Variants in ZNF595 observed in about 807,000 individuals in gnomAD.
The protein encoded by ZNF595 is zinc finger protein 595.
Under a neutral mutation model 19.4 loss-of-function variants are expected in ZNF595, and 9 were observed. That is an observed-to-expected ratio of 0.46 (90% CI 0.28 to 0.81). ZNF595 has a LOEUF of 0.81. Among genes scored for constraint, ZNF595 ranks in the 30% least tolerant of loss-of-function variants. The pLI, the probability that ZNF595 is intolerant of heterozygous loss-of-function variation, is 0.11. For missense variants in ZNF595, 729 were observed against 736.0 expected (o/e 0.99, Z 0.11); for synonymous variants, 255 against 255.9 (o/e 1.00, Z 0.03).
At chr4:69,614 T>C (rs782304653) in intron 3 of ZNF595, among the ~76,000 whole-genome samples, 1 of 152,232 alleles carries the variant, frequency 6.6e-6, no homozygotes, top group East Asian at 1.9e-4. Flanking sequence ...TAGAGCTGTT[T>C]ATGTGCCTTA....
intron 3 of ZNF595, among the ~76,000 whole-genome samples, chr4:79,567 G>A (rs1713817162): frequency 6.6e-6 from 1 of 152,006 alleles, no homozygotes. Context: ...GGGCTCACTG[G>A]ATACTTTGAT....
rs1553802171 is a variant in ZNF595, at chr4:87,469, C to A, written c.*18C>A. On this transcript the variant is annotated 3_prime_UTR_variant, in exon 4 of 4. Coordinates refer to ENST00000610261, the MANE Select transcript of ZNF595 (RefSeq NM_182524.4). ...ATAGTTGAATGACATTTCTAGTAATCTCTAATTCCAGTGTCTTTACACAGC... is the reference window on the plus strand; with the variant it reads ...ATAGTTGAATGACATTTCTAGTAATATCTAATTCCAGTGTCTTTACACAGC... 2.0e-6 allele frequency: 3 copies of A among 1,536,084 alleles called. No homozygotes were observed. The highest frequency in any genetic ancestry group is 4.0e-5 in the Admixed American group (2 of 49,448).
At chr4:79,539 G>A (rs1713816071) in intron 3 of ZNF595, among the ~76,000 whole-genome samples, 1 of 152,086 alleles carries the variant, frequency 6.6e-6, no homozygotes, top group Non-Finnish European at 1.5e-5. Context: ...TTGGCTGTAG[G>A]CTCATGAATT....
intron 3 of ZNF595, among the ~76,000 whole-genome samples, chr4:81,109 T>C (rs1351244435): frequency 6.6e-6 from 1 of 152,202 alleles, no homozygotes; most frequent in African/African-American, 2.4e-5. Context: ...TGTGTTTGTT[T>C]GCTGAGAATG....
At chr4:83,619 CAAAAA>C (rs71164492) in intron 3 of ZNF595, among the ~76,000 whole-genome samples, 41 of 38,600 alleles carry the variant, frequency 1.1e-3, no homozygotes, top group African/African-American at 2.0e-3. Context: ...GACTCCGTCT[CAAAAA>C]AAAAAAAAAA....
In ZNF595 at chr4:86,005, T is replaced by C; in HGVS notation, c.501T>C (p.His167=). Reference sequence around the variant, plus strand: ...ATTCAAACAAACATAAGATAAGACATACTGGAGAGAAACCCTTTAAATGTA... The same window carrying C: ...ATTCAAACAAACATAAGATAAGACACACTGGAGAGAAACCCTTTAAATGTA... The part of the protein sequence containing the change: ...FSNSNKHKIR[H]TGEKPFKCTE... The change falls in exon 4 of 4, where the codon CAT becomes CAC. Residue 167 remains histidine (H), a synonymous_variant. Coordinates refer to ENST00000610261, the MANE Select transcript of ZNF595 (RefSeq NM_182524.4). 2 of 1,608,370 alleles carry C rather than the reference T, an allele frequency of 1.2e-6. No individual in the cohort carries two copies. The highest frequency in any genetic ancestry group is 1.7e-6 in the Non-Finnish European group (2 of 1,176,682).
chr4:86,252 C>G lies in ZNF595; in HGVS notation c.748C>G (p.His250Asp). The change falls in exon 4 of 4, where the codon CAT (histidine) becomes GAT (aspartate). Residue 250 changes from histidine to aspartate, a missense_variant. Physicochemically the swap from His to Asp is moderately conservative, Grantham distance 81. Around this residue, in one of 2 missense-constraint regions of ZNF595, gnomAD observed 729 missense variants for 675.3 expected, o/e 1.08. Transcript: ENST00000610261. ...STVLNEHKKI[H>D]TGEKPYKCEE... ...AGTTCTGAACGAACATAAGAAAATT[C>G]ATACTGGAGAGAAACCCTACAAATG... 3 of 1,611,758 alleles carry G rather than the reference C, an allele frequency of 1.9e-6. No homozygotes were observed. The highest frequency in any genetic ancestry group is 2.5e-6 in the Non-Finnish European group (3 of 1,178,132).
Position 87,208 on chromosome 4 carries a change from A to G in ZNF595, c.1704A>G (p.Glu568=). 3 of 1,595,490 alleles carry G rather than the reference A, an allele frequency of 1.9e-6. 1 individual carries two copies. In the South Asian group the frequency reaches 3.3e-5, roughly 18 times the overall value. Residue 568 remains glutamate, a synonymous_variant, in exon 4 of 4, where the codon GAA becomes GAG. Coordinates refer to ENST00000610261, the MANE Select transcript of ZNF595 (RefSeq NM_182524.4). The stretch of plus-strand genomic sequence containing the variant: ...GAGAGAAACCCTACAAATGCAAAGA[A>G]TGTGGCAAAGCCTATAACTTATCCT... ...HSGEKPYKCK[E]CGKAYNLSST...
At position 87,574 on chromosome 4, in the gene ZNF595, C is replaced by T. The variant is rs907574756; in HGVS notation, c.*123C>T. ...AAATTTTTTAAAATTTCTGTAGGTA[C>T]ATAGTATGTGTATCTATTCATGGCT... On this transcript the variant is annotated 3_prime_UTR_variant, in exon 4 of 4. Coordinates refer to ENST00000610261, the MANE Select transcript of ZNF595 (RefSeq NM_182524.4). 3.4e-6 allele frequency: 3 copies of T among 872,734 alleles called. No homozygotes were observed. Among genetic ancestry groups the T allele is most frequent in the South Asian group, 2.6e-5 (1 of 38,726 alleles). The allele number at this position is 872,734 out of a possible 1,614,324, so 54.1% of individuals were successfully genotyped here. A position where few individuals can be genotyped will look rare whatever the true frequency, so the allele number is the denominator to read the frequency against.
chr4:82,387 T>TG, intron 3 of ZNF595, among the ~76,000 whole-genome samples: 1 of 117,082 alleles, frequency 8.5e-6, no homozygotes, highest in Non-Finnish European at 1.8e-5. Flanking sequence ...TTTTTTTTTT[T>TG]TTTTTTTTTT....
At chr4:79,139 A>T (rs927292803) in intron 3 of ZNF595, among the ~76,000 whole-genome samples, 8 of 152,228 alleles carry the variant, frequency 5.3e-5, no homozygotes, top group Admixed American at 4.6e-4. Flanking sequence ...CTCCTGAAGA[A>T]CACCATTTTA....
chr4:71,243 C>A (rs1713420151), intron 3 of ZNF595, among the ~76,000 whole-genome samples: 1 of 152,028 alleles, frequency 6.6e-6, no homozygotes, highest in African/African-American at 2.4e-5. Flanking sequence ...AGGTTTTTTT[C>A]AAATATAAAA....
intron 3 of ZNF595, among the ~76,000 whole-genome samples, chr4:81,756 T>TA: frequency 6.6e-6 from 1 of 152,352 alleles, no homozygotes; most frequent in South Asian, 2.1e-4. Flanking sequence ...CAAACTGCTT[T>TA]AGATATCTCA....
At chr4:72,192 G>A (rs1413514065) in intron 3 of ZNF595, among the ~76,000 whole-genome samples, 5 of 152,010 alleles carry the variant, frequency 3.3e-5, no homozygotes, top group African/African-American at 9.7e-5. Context: ...TTCTCAAAGA[G>A]GCATACAAAT....
intron 3 of ZNF595, among the ~76,000 whole-genome samples, chr4:71,254 C>A (rs747132996): frequency 1.7e-4 from 26 of 152,152 alleles, no homozygotes; most frequent in Non-Finnish European, 3.5e-4. Context: ...AAATATAAAA[C>A]TACATCATCT....
intron 3 of ZNF595, among the ~76,000 whole-genome samples, chr4:80,630 A>G (rs1553799670): frequency 6.6e-6 from 1 of 152,120 alleles, no homozygotes; most frequent in Non-Finnish European, 1.5e-5. Flanking sequence ...GGAAAATTAC[A>G]GTCAAAGGGG....
At chr4:83,629 AAAAAAAAAAAAAAAAAG>A (rs1168245805) in intron 3 of ZNF595, among the ~76,000 whole-genome samples, 3 of 140,446 alleles carry the variant, frequency 2.1e-5, no homozygotes, top group African/African-American at 8.7e-5. Flanking sequence ...CAAAAAAAAA[AAAAAAAAAAAAAAAAAG>A]AAAGAAAGAA....
rs954327623 is a variant in ZNF595 at position 87,408 on chromosome 4, T to G, written c.1904T>G (p.Leu635Arg). 6.2e-7 allele frequency: 1 copy of G among 1,610,658 alleles called. No homozygotes were observed. The highest frequency in any genetic ancestry group is 8.5e-7 in the Non-Finnish European group (1 of 1,178,204). The change falls in exon 4 of 4, where the codon CTT becomes CGT. Residue 635 changes from leucine to arginine, a missense_variant. Physicochemically the swap from Leu to Arg is moderately radical, Grantham distance 102 (BLOSUM62 -2). This residue lies in a region of ZNF595 where 729 missense variants were observed against 675.3 expected (regional missense o/e 1.08). Transcript: ENST00000610261. Reference sequence around the variant, plus strand: ...AAAGCTTTTAATCGGCCCTCAACCCTTACTGTACACAAGCGAATTCATACT... The same window carrying G: ...AAAGCTTTTAATCGGCCCTCAACCCGTACTGTACACAAGCGAATTCATACT... ...CGKAFNRPST[L>R]TVHKRIHTGK...
At chr4:83,385 C>T (rs909400691) in intron 3 of ZNF595, among the ~76,000 whole-genome samples, 7 of 151,760 alleles carry the variant, frequency 4.6e-5, no homozygotes, top group East Asian at 3.9e-4. Context: ...TTTGGAAGGC[C>T]GAGGTGGGTG....
Sources: allele counts gnomAD v4.1 joint callset (sites outside exome capture counted in the v4.1 genomes callset), GRCh38; gene constraint gnomAD v4.1.1; regional missense constraint gnomAD v4.1.1; transcripts MANE v1.5; gene names NCBI Gene and HGNC (gene_info 2026-07-23, HGNC 2026-07-21).